The following PRKD1 variants were observed in gnomAD, a reference collection of about 807,000 sequenced individuals.
PRKD1 encodes protein kinase D1.
Under a neutral mutation model 95.9 loss-of-function variants are expected in PRKD1, and 63 were observed. The observed-to-expected ratio is 0.66, with a 90% confidence interval of 0.54 to 0.81. PRKD1 has a LOEUF of 0.81. Ranked by LOEUF, PRKD1 falls within the 30% of genes least tolerant of loss-of-function variation. The pLI is 0.00. For synonymous variants in PRKD1, 425 were observed against 423.1 expected, an observed-to-expected ratio of 1.00 and a Z score of -0.05; for missense variants, 1,048 against 1,165.3, an observed-to-expected ratio of 0.90 and a Z score of 1.47.
chr14:29,771,990 T>C (rs1594503252), intron 1 of PRKD1, among the ~76,000 whole-genome samples: 2 of 152,356 alleles, frequency 1.3e-5, no homozygotes, highest in Middle Eastern at 3.4e-3. Flanking sequence ...CATAATTTGT[T>C]TGATTTCACA....
At chr14:29,787,654 C>A (rs1889336691) in intron 1 of PRKD1, among the ~76,000 whole-genome samples, 1 of 152,086 alleles carries the variant, frequency 6.6e-6, no homozygotes, top group African/African-American at 2.4e-5. Flanking sequence ...GCTACTCTTG[C>A]ACACTTTTGA....
Position 29,740,999 on chromosome 14 carries a change from C to G in PRKD1, c.265-15325G>C, listed in dbSNP as rs145672507. Among the ~76,000 whole-genome samples, 43 of 152,286 alleles carry G rather than the reference C, an allele frequency of 2.8e-4. No individual in the cohort carries two copies. In the East Asian group the frequency reaches 7.3e-3, roughly 26 times the overall value. ...GGACATTATCCTTAGCAAACTAACACAGGAACAGAAAACCAAATACCACAT... is the reference window on the plus strand; with the variant it reads ...GGACATTATCCTTAGCAAACTAACAGAGGAACAGAAAACCAAATACCACAT... On this transcript the variant is annotated intron_variant, in intron 1 of 17. Transcript: ENST00000331968.
At chr14:29,771,725 A>G (rs1888516769) in intron 1 of PRKD1, among the ~76,000 whole-genome samples, 1 of 152,176 alleles carries the variant, frequency 6.6e-6, no homozygotes, top group Non-Finnish European at 1.5e-5. Context: ...TGCCACTCCA[A>G]CCCATAAGGG....
chr14:29,577,530 T>G, intron 17 of PRKD1, 74 bp from the exon 18 acceptor site: 1 of 1,414,804 alleles, frequency 7.1e-7, no homozygotes, highest in Non-Finnish European at 9.9e-7. Context: ...GATGTCAGTT[T>G]CTGCAATCTA....
intron 1 of PRKD1, among the ~76,000 whole-genome samples, chr14:29,857,288 C>G (rs1411034924): frequency 1.3e-5 from 2 of 152,134 alleles, no homozygotes; most frequent in Non-Finnish European, 2.9e-5. Flanking sequence ...CCACACTACC[C>G]TCATTTGCAA....
chr14:29,892,438 C>CAAA (rs201359274), intron 1 of PRKD1, among the ~76,000 whole-genome samples: 4 of 131,644 alleles, frequency 3.0e-5, no homozygotes, highest in Non-Finnish European at 5.1e-5. Flanking sequence ...GCCACCCATA[C>CAAA]AAAAAAAAAA....
rs112901767 is a variant in PRKD1 at position 29,684,299 on chromosome 14, T to C, written c.404-18091A>G. Reference sequence around the variant, plus strand: ...CCGAGTAGCTGGGATTACAGGTATGTGCCACCATGCCTGACTAATTAGAGA... The same window carrying C: ...CCGAGTAGCTGGGATTACAGGTATGCGCCACCATGCCTGACTAATTAGAGA... On this transcript the variant is annotated intron_variant, in intron 2 of 17. Transcript: ENST00000331968. 1.5e-4 allele frequency among the ~76,000 whole-genome samples: 23 copies of C among 152,216 alleles called. 1 individual carries two copies. Among genetic ancestry groups the C allele is most frequent in the African/African-American group, 5.5e-4 (23 of 41,540 alleles).
intron 1 of PRKD1, among the ~76,000 whole-genome samples, chr14:29,821,269 T>C (rs1890900706): frequency 6.9e-6 from 1 of 144,510 alleles, no homozygotes; most frequent in Non-Finnish European, 1.5e-5. Flanking sequence ...GATAGACATC[T>C]TAAGACTGTC....
At chr14:29,865,782 T>C (rs1180619212) in intron 1 of PRKD1, among the ~76,000 whole-genome samples, 1 of 152,198 alleles carries the variant, frequency 6.6e-6, no homozygotes, top group African/African-American at 2.4e-5. Flanking sequence ...CCACTTACCA[T>C]GTCTCTGTGC....
chr14:29,889,925 C>T (rs979774502), intron 1 of PRKD1, among the ~76,000 whole-genome samples: 8 of 152,108 alleles, frequency 5.3e-5, no homozygotes, highest in African/African-American at 1.9e-4. Context: ...TTTCATTCAT[C>T]CAACAAGAAT....
At position 29,753,221 on chromosome 14, in the gene PRKD1, A is replaced by C. The variant is rs76813322; in HGVS notation, c.265-27547T>G. ...AATGAAACAAATTTTACAGAGCTGG[A>C]AAGAAATTTCTGCTTGTAAAAATGA... On this transcript the variant is annotated intron_variant, in intron 1 of 17. Coordinates refer to ENST00000331968, the MANE Select transcript of PRKD1 (RefSeq NM_002742.3). Among the ~76,000 whole-genome samples, 31 of 152,300 alleles carry C rather than the reference A, an allele frequency of 2.0e-4. No homozygotes were observed. The East Asian group carries it at 4.6e-3, about 23-fold the overall frequency.
intron 16 of PRKD1, among the ~76,000 whole-genome samples, chr14:29,581,284 A>G (rs1033088931): frequency 6.6e-6 from 1 of 152,098 alleles, no homozygotes; most frequent in Non-Finnish European, 1.5e-5. Flanking sequence ...AGTGATCATC[A>G]CTGACCAACA....
At chr14:29,577,780 T>G (rs1026345979) in intron 17 of PRKD1, among the ~76,000 whole-genome samples, 7 of 152,226 alleles carry the variant, frequency 4.6e-5, no homozygotes, top group Admixed American at 2.0e-4. Flanking sequence ...AGTATTAGTT[T>G]CCTAAAGTTT....
chr14:29,885,804 T>TAAAAAAAAAAAAAAAAAA (rs759317394), intron 1 of PRKD1, among the ~76,000 whole-genome samples: 1 of 53,484 alleles, frequency 1.9e-5, no homozygotes, highest in African/African-American at 6.2e-5. Context: ...CCATCTTTAC[T>TAAAAAAAAAAAAAAAAAA]AAAAAAAAAA....
intron 16 of PRKD1, among the ~76,000 whole-genome samples, chr14:29,584,691 C>T (rs984684739): frequency 2.0e-5 from 3 of 152,104 alleles, no homozygotes; most frequent in African/African-American, 4.8e-5. Flanking sequence ...TTTCAATACC[C>T]ATATTGTATG....
At chr14:29,714,030 T>G (rs1594452158) in intron 2 of PRKD1, among the ~76,000 whole-genome samples, 1 of 152,254 alleles carries the variant, frequency 6.6e-6, no homozygotes, top group South Asian at 2.1e-4. Context: ...AATTGGGAAT[T>G]ATGCCAAATA....
intron 1 of PRKD1, among the ~76,000 whole-genome samples, chr14:29,790,231 C>A (rs1476923347): frequency 6.6e-6 from 1 of 151,610 alleles, no homozygotes; most frequent in African/African-American, 2.4e-5. Context: ...AGGATGGTCT[C>A]GATCTCTTGA....
intron 1 of PRKD1, among the ~76,000 whole-genome samples, chr14:29,844,015 A>G (rs1242510659): frequency 6.6e-6 from 1 of 152,206 alleles, no homozygotes; most frequent in African/African-American, 2.4e-5. Context: ...GAGAAAAATA[A>G]ACCTATTTTA....
chr14:29,740,110 A>G (rs899968680), intron 1 of PRKD1, among the ~76,000 whole-genome samples: 3 of 152,214 alleles, frequency 2.0e-5, no homozygotes, highest in Non-Finnish European at 4.4e-5. Flanking sequence ...GATAGCTATT[A>G]GAAGTCTTAG....
Sources: gnomAD v4.1 joint callset for allele counts (sites outside exome capture counted in the v4.1 genomes callset) on GRCh38, gnomAD v4.1.1 for gene constraint, MANE v1.5 for transcripts, NCBI Gene and HGNC (gene_info 2026-07-23, HGNC 2026-07-21) for gene names.